The following FARP1 variants were observed in gnomAD, a reference collection of about 807,000 sequenced individuals.
FARP1 encodes the protein FERM, ARH/RhoGEF and pleckstrin domain protein 1.
Under a neutral mutation model 128.8 loss-of-function variants are expected in FARP1, and 52 were observed. That is an observed-to-expected ratio of 0.40 (90% CI 0.32 to 0.51). The LOEUF (loss-of-function observed/expected upper bound fraction) is 0.51, where lower values mean the gene tolerates loss of function less well. Among genes scored for constraint, FARP1 ranks in the 20% least tolerant of loss-of-function variants. The probability of loss-of-function intolerance (pLI) is 0.45; values close to 1 mark genes in which losing one functional copy is unlikely to be tolerated. For synonymous variants in FARP1, 580 were observed against 551.8 expected (o/e 1.05, Z -0.72); for missense variants, 1,333 against 1,367.9 (o/e 0.97, Z 0.40).
chr13:98,377,391 A>G (rs890179035), intron 5 of FARP1, among the ~76,000 whole-genome samples: 1 of 140,760 alleles, frequency 7.1e-6, no homozygotes, highest in Non-Finnish European at 1.6e-5. Flanking sequence ...AAAAAAAAAA[A>G]TGACGCCCCC....
At chr13:98,319,676 A>G (rs892298329) in intron 2 of FARP1, among the ~76,000 whole-genome samples, 1 of 152,246 alleles carries the variant, frequency 6.6e-6, no homozygotes, top group African/African-American at 2.4e-5. Flanking sequence ...TCATAAATGT[A>G]TATGAAATAT....
chr13:98,446,403 C>T (rs1892837699), intron 25 of FARP1, 198 bp downstream of exon 25: 7 of 601,454 alleles, frequency 1.2e-5, no homozygotes, highest in African/African-American at 5.6e-5. Flanking sequence ...CACTGAAGGA[C>T]AACTTCTGCC....
At chr13:98,368,768 A>G (rs1889203891) in intron 5 of FARP1, among the ~76,000 whole-genome samples, 2 of 152,152 alleles carry the variant, frequency 1.3e-5, no homozygotes, top group South Asian at 4.1e-4. Flanking sequence ...AAGCAGTATT[A>G]TACTAGAGTA....
intron 1 of FARP1, among the ~76,000 whole-genome samples, chr13:98,211,088 G>T (rs949248509): frequency 6.6e-6 from 1 of 152,026 alleles, no homozygotes; most frequent in African/African-American, 2.4e-5. Flanking sequence ...TGAAATTGTT[G>T]TTGTTGTGTT....
At chr13:98,351,414 C>T (rs1248861050) in intron 3 of FARP1, among the ~76,000 whole-genome samples, 1 of 152,060 alleles carries the variant, frequency 6.6e-6, no homozygotes, top group Admixed American at 6.5e-5. Flanking sequence ...AGATCAAGAC[C>T]ATCCTGGCTA....
chr13:98,375,333 G>A (rs1889535730), intron 5 of FARP1, among the ~76,000 whole-genome samples: 1 of 152,108 alleles, frequency 6.6e-6, no homozygotes, highest in Admixed American at 6.5e-5. Flanking sequence ...TGTGGAATGA[G>A]GATTTTCTAA....
chr13:98,298,586 C>A (rs1419008037), intron 2 of FARP1, among the ~76,000 whole-genome samples: 2 of 152,118 alleles, frequency 1.3e-5, no homozygotes, highest in East Asian at 1.9e-4. Context: ...CAGCTGTTCC[C>A]AGGAATGGAG....
intron 1 of FARP1, among the ~76,000 whole-genome samples, chr13:98,179,969 T>C (rs527310093): frequency 2.1e-3 from 314 of 152,272 alleles, no homozygotes; most frequent in African/African-American, 7.2e-3. Context: ...TAGGCCCTCC[T>C]AGATTCAGCC....
At chr13:98,409,187 G>A (rs1891090818) in intron 13 of FARP1, 151 bp from the exon 14 acceptor site, 1 of 620,262 alleles carries the variant, frequency 1.6e-6, no homozygotes, top group East Asian at 2.8e-5. Context: ...TTTGACTTAG[G>A]AAAAAAACTA....
chr13:98,240,193 C>T (rs145837360), intron 2 of FARP1, among the ~76,000 whole-genome samples: 28 of 152,086 alleles, frequency 1.8e-4, no homozygotes, highest in Non-Finnish European at 3.7e-4. Flanking sequence ...GTTATTAGCA[C>T]AACCGATTCA....
intron 1 of FARP1, among the ~76,000 whole-genome samples, chr13:98,148,346 C>T (rs1292906363): frequency 2.0e-5 from 3 of 152,214 alleles, no homozygotes; most frequent in Non-Finnish European, 4.4e-5. Context: ...CCATTGTACT[C>T]CAGCCTGGGC....
rs185176978 is a variant in FARP1 at position 98,199,471 on chromosome 13, A to G, written c.-23-13749A>G. 2.0e-3 allele frequency among the ~76,000 whole-genome samples: 308 copies of G among 152,320 alleles called. 1 individual carries two copies. Among genetic ancestry groups the G allele is most frequent in the African/African-American group, 6.9e-3 (288 of 41,556 alleles). On this transcript the variant is annotated intron_variant, in intron 1 of 26. Coordinates refer to ENST00000319562, the MANE Select transcript of FARP1 (RefSeq NM_005766.4). ...GCTGAAACATAATAGGCCCTCATAA[A>G]TGTTTGTTAATGGTGATGATCTCGA...
chr13:98,246,519 T>A (rs879416176), intron 2 of FARP1, among the ~76,000 whole-genome samples: 1 of 152,110 alleles, frequency 6.6e-6, no homozygotes, highest in Admixed American at 6.6e-5. Context: ...CAGTTTTCAT[T>A]GTTAGAGTCT....
Position 98,395,354 on chromosome 13 carries a change from G to A in FARP1, c.1292G>A (p.Arg431Lys), listed in dbSNP as rs1200603843. The change falls in exon 13 of 27, where the codon AGG becomes AAG. Residue 431 changes from arginine to lysine, a missense_variant. By Grantham distance (26) the Arg-to-Lys change is conservative. Transcript: ENST00000319562. ...EPGSHPSPAP[R>K]RSPAGNKQAD... ...GGGTCGCACCCGAGCCCTGCGCCGA[G>A]GAGAAGCCCCGCGGGTAACAAGCAG... The A allele has an allele frequency of 1.9e-6, 3 of 1,611,858 alleles. No individual in the cohort carries two copies. The African/African-American group carries it at 4.0e-5, about 21-fold the overall frequency.
intron 2 of FARP1, among the ~76,000 whole-genome samples, chr13:98,276,896 A>AAG (rs36021775): frequency 0.35 from 53,543 of 151,958 alleles, 10,837 homozygotes; most frequent in African/African-American, 0.56. Flanking sequence ...GGAAGGTAAA[A>AAG]AGGGGAAGAC....
chr13:98,244,579 C>T (rs778777251), intron 2 of FARP1: 1 of 1,614,202 alleles, frequency 6.2e-7, no homozygotes, highest in Admixed American at 1.7e-5. Flanking sequence ...AAGCACCATT[C>T]ACATCTAATT....
In FARP1 at chr13:98,188,761, C is replaced by T. The variant is rs186970953; in HGVS notation, c.-23-24459C>T. On this transcript the variant is annotated intron_variant, in intron 1 of 26. Coordinates refer to ENST00000319562, the MANE Select transcript of FARP1 (RefSeq NM_005766.4). ...ACCCCCTGCACTCTGAAGGACCCTC[C>T]TTCCTTGAGAGAAGTCCCTGCGAAG... Among the ~76,000 whole-genome samples, 41 of 152,250 alleles carry T rather than the reference C, an allele frequency of 2.7e-4. No individual in the cohort carries two copies. In the East Asian group the frequency reaches 7.3e-3, roughly 27 times the overall value.
In FARP1 at chr13:98,411,887, C is replaced by T. The variant is rs1426254036; in HGVS notation, c.1693-14C>T. The T allele has an allele frequency of 6.2e-7, 1 of 1,613,098 alleles. No individual in the cohort carries two copies. Among genetic ancestry groups the T allele is most frequent in the African/African-American group, 1.3e-5 (1 of 74,946 alleles). ...ATCTTTCCACCCGTAAGTGCATCGT[C>T]TTCTTCTTTCCAGTGGTTTCAGAGC... On this transcript the variant is annotated splice_polypyrimidine_tract_variant and intron_variant, in intron 15 of 26. Coordinates refer to ENST00000319562, the MANE Select transcript of FARP1 (RefSeq NM_005766.4).
At position 98,415,880 on chromosome 13, in the gene FARP1, C is replaced by T. The variant is rs1047484019; in HGVS notation, c.1826+3846C>T. On this transcript the variant is annotated intron_variant, in intron 16 of 26. Transcript: ENST00000319562. ...TCCGAATTCGAGGTCACACCCCCGCCATGGGGCTGTCTTCAGCTGTAGGTG... is the reference window on the plus strand; with the variant it reads ...TCCGAATTCGAGGTCACACCCCCGCTATGGGGCTGTCTTCAGCTGTAGGTG... Among the ~76,000 whole-genome samples the T allele has an allele frequency of 3.3e-5, 5 of 152,372 alleles. 1 individual carries two copies. Among genetic ancestry groups the T allele is most frequent in the African/African-American group, 7.2e-5 (3 of 41,590 alleles).
Sources: gnomAD v4.1 joint callset for allele counts (sites outside exome capture counted in the v4.1 genomes callset) on GRCh38, gnomAD v4.1.1 for gene constraint, MANE v1.5 for transcripts, NCBI Gene and HGNC (gene_info 2026-07-23, HGNC 2026-07-21) for gene names.